TBC1D8B: variants seen among roughly 807,000 people sequenced by gnomAD.
TBC1D8B encodes the protein TBC1 domain family member 8B.
Under a neutral mutation model 82.9 loss-of-function variants are expected in TBC1D8B, and 75 were observed. That is an observed-to-expected ratio of 0.90 (90% CI 0.75 to 1.10). TBC1D8B has a LOEUF of 1.10. TBC1D8B is among the 50% of genes least tolerant of loss of function. The pLI, the probability that TBC1D8B is intolerant of heterozygous loss-of-function variation, is 0.00. For synonymous variants in TBC1D8B, 276 were observed against 276.8 expected (o/e 1.00, Z 0.03); for missense variants, 794 against 796.9 (o/e 1.00, Z 0.04).
At chrX:106,806,467 A>G (rs1334275163) in intron 1 of TBC1D8B, among the ~76,000 whole-genome samples, 1 of 112,088 alleles carries the variant, frequency 8.9e-6, no homozygotes, top group Non-Finnish European at 1.9e-5. Context: ...TAATTTATGC[A>G]TATTTGTCTT....
chrX:106,829,717 G>A (rs1182488642), intron 7 of TBC1D8B: 1 of 110,524 alleles, frequency 9.0e-6, no homozygotes, highest in Non-Finnish European at 1.9e-5. Flanking sequence ...TTAATAAATG[G>A]TGCTGGGAAA....
In TBC1D8B at chrX:106,866,718, CTTAA is replaced by C. The variant is rs935019334; in HGVS notation, c.2663-73_2663-70del. The C allele has an allele frequency of 5.9e-4, 439 of 742,225 alleles. 1 individual carries two copies. The highest frequency in any genetic ancestry group is 1.4e-3 in the Middle Eastern group (3 of 2,215). The allele number at this position is 742,225 out of a possible 1,213,427, so 61.2% of individuals were successfully genotyped here. ...CCTAATTTTTGACTAATGTCTATATCTTAATTAATCTTTGTTGCTGAAATTGATT... is the reference window on the plus strand; with the variant it reads ...CCTAATTTTTGACTAATGTCTATATCTTAATCTTTGTTGCTGAAATTGATT... On this transcript the variant is annotated intron_variant, in intron 16 of 20. Coordinates refer to ENST00000357242, the MANE Select transcript of TBC1D8B (RefSeq NM_017752.3).
chrX:106,850,159 C>T lies in TBC1D8B; in HGVS notation c.1972C>T (p.Leu658=). ...GTTTCTCACACTTTTTATTAGTGTGCTACCTATTGAAAGTGCAGTGAATGT... is the reference window on the plus strand; with the variant it reads ...GTTTCTCACACTTTTTATTAGTGTGTTACCTATTGAAAGTGCAGTGAATGT... The part of the protein sequence containing the change: ...SWFLTLFISV[L]PIESAVNVVD... The change falls in exon 12 of 21, where the codon CTA becomes TTA. Residue 658 remains leucine, a synonymous_variant. Coordinates refer to ENST00000357242, the MANE Select transcript of TBC1D8B (RefSeq NM_017752.3). 8.3e-7 allele frequency: 1 copy of T among 1,211,172 alleles called. No individual in the cohort carries two copies. The highest frequency in any genetic ancestry group is 1.8e-5 in the South Asian group (1 of 56,899).
intron 1 of TBC1D8B, among the ~76,000 whole-genome samples, chrX:106,809,435 C>G (rs1301006546): frequency 9.0e-6 from 1 of 111,254 alleles, no homozygotes; most frequent in East Asian, 2.8e-4. Flanking sequence ...TGGACAGAGA[C>G]TTGTGGTACT....
intron 16 of TBC1D8B, 92 bp downstream of exon 16, chrX:106,866,125 T>C (rs1478140504): frequency 1.3e-5 from 12 of 890,817 alleles, no homozygotes; most frequent in African/African-American, 2.0e-5. Context: ...TATATCACCA[T>C]GGGTTACAGT....
At chrX:106,838,979 G>C (rs911512554) in intron 7 of TBC1D8B, among the ~76,000 whole-genome samples, 6 of 111,619 alleles carry the variant, frequency 5.4e-5, no homozygotes, top group Non-Finnish European at 9.4e-5. Flanking sequence ...TCTTACTCAG[G>C]CAGGCTCATT....
chrX:106,806,209 T>C (rs1240890785), intron 1 of TBC1D8B, among the ~76,000 whole-genome samples: 3 of 112,450 alleles, frequency 2.7e-5, no homozygotes, highest in African/African-American at 9.7e-5. Flanking sequence ...CTAGTGGATA[T>C]CTGATAGATT....
intron 17 of TBC1D8B, 74 bp from the exon 18 acceptor site, chrX:106,868,319 C>T (rs764074378): frequency 3.6e-4 from 236 of 662,942 alleles, no homozygotes; most frequent in Non-Finnish European, 4.8e-4. Context: ...CCCAGATATA[C>T]CTGACCCATT....
At chrX:106,834,728 G>A (rs1932130794) in intron 7 of TBC1D8B, among the ~76,000 whole-genome samples, 1 of 111,924 alleles carries the variant, frequency 8.9e-6, no homozygotes, top group Non-Finnish European at 1.9e-5. Flanking sequence ...AAACAAAGGG[G>A]CTACAGGCCC....
chrX:106,828,821 C>T (rs1931936338), intron 7 of TBC1D8B: 1 of 108,489 alleles, frequency 9.2e-6, no homozygotes, highest in Non-Finnish European at 1.9e-5. Flanking sequence ...TATGACAAAC[C>T]CACAGCCAAT....
intron 12 of TBC1D8B, among the ~76,000 whole-genome samples, chrX:106,851,422 G>A (rs1048758002): frequency 2.7e-5 from 3 of 111,510 alleles, no homozygotes; most frequent in African/African-American, 9.8e-5. Context: ...TTCTTTTTTT[G>A]TTATTATTAT....
intron 20 of TBC1D8B, among the ~76,000 whole-genome samples, chrX:106,871,900 G>A (rs1932850342): frequency 1.8e-5 from 2 of 111,701 alleles, no homozygotes; most frequent in East Asian, 5.6e-4. Context: ...GGTCTGGAAG[G>A]GTCCCAAGCG....
Position 106,822,021 on chromosome X carries a change from T to C in TBC1D8B, c.405T>C (p.Asp135=). 1.7e-6 allele frequency: 2 copies of C among 1,211,053 alleles called. No individual in the cohort carries two copies. Among genetic ancestry groups the C allele is most frequent in the Non-Finnish European group, 2.2e-6 (2 of 894,966 alleles). ...GAAAACATTGTTTTGCAAAAGAAGA[T>C]GATCCTGAGAAATTTCGAGAAGCCC... ...EEGKHCFAKE[D]DPEKFREALL... Residue 135 remains aspartate, a synonymous_variant, in exon 4 of 21, where the codon GAT becomes GAC. Coordinates refer to ENST00000357242, the MANE Select transcript of TBC1D8B (RefSeq NM_017752.3).
intron 1 of TBC1D8B, among the ~76,000 whole-genome samples, chrX:106,809,377 T>C (rs1420980786): frequency 2.8e-5 from 3 of 109,024 alleles, no homozygotes; most frequent in Non-Finnish European, 5.7e-5. Flanking sequence ...GGGGAGGGGG[T>C]TGGTATATTA....
chrX:106,861,206 G>C (rs1278582619), intron 14 of TBC1D8B, among the ~76,000 whole-genome samples: 1 of 111,371 alleles, frequency 9.0e-6, no homozygotes, highest in Non-Finnish European at 1.9e-5. Context: ...CTGTTGTTTT[G>C]GGGGGAAAAG....
chrX:106,806,098 T>C (rs1735629906), intron 1 of TBC1D8B, among the ~76,000 whole-genome samples: 2 of 112,287 alleles, frequency 1.8e-5, no homozygotes, highest in South Asian at 7.4e-4. Flanking sequence ...TTTTTTCTAA[T>C]AATGGAATAG....
intron 14 of TBC1D8B, among the ~76,000 whole-genome samples, chrX:106,861,242 T>A (rs1366348546): frequency 9.0e-6 from 1 of 111,475 alleles, no homozygotes; most frequent in East Asian, 2.8e-4. Context: ...TTAGGTCCGT[T>A]TGGTCAAGTG....
In TBC1D8B at chrX:106,866,026, T is replaced by G; in HGVS notation, c.2655T>G (p.Ser885=). 8.4e-7 allele frequency: 1 copy of G among 1,197,253 alleles called. No individual in the cohort carries two copies. Among genetic ancestry groups the G allele is most frequent in the Non-Finnish European group, 1.1e-6 (1 of 890,726 alleles). The part of the protein sequence containing the change: ...DCLINFKEFS[S]AIDIMYNGSF... ...TTATAAACTTCAAAGAATTCTCCTC[T>G]GCAATTGGTAAGATGATTTTTTTAA... The change falls in exon 16 of 21, where the codon TCT becomes TCG. Residue 885 remains serine, a synonymous_variant. Coordinates refer to ENST00000357242, the MANE Select transcript of TBC1D8B (RefSeq NM_017752.3).
At chrX:106,825,949 AG>A in intron 5 of TBC1D8B, 80 bp from the exon 6 acceptor site, 1 of 800,986 alleles carries the variant, frequency 1.2e-6, no homozygotes, top group South Asian at 2.5e-5. Context: ...TATGTAGATT[AG>A]TCAATATAGG....
Sources: allele counts gnomAD v4.1 joint callset (sites outside exome capture counted in the v4.1 genomes callset), GRCh38; gene constraint gnomAD v4.1.1; transcripts MANE v1.5; gene names NCBI Gene and HGNC (gene_info 2026-07-23, HGNC 2026-07-21).